The following SNX9 variants were observed in gnomAD, a reference collection of about 807,000 sequenced individuals.
SNX9 encodes the protein sorting nexin-9.
Under a neutral mutation model 89.4 loss-of-function variants are expected in SNX9, and 44 were observed. The ratio of observed to expected loss-of-function variants is 0.49; its 90% CI spans 0.39 to 0.63. The LOEUF is 0.63. Ranked by LOEUF, SNX9 falls within the 30% of genes least tolerant of loss-of-function variation. The probability of loss-of-function intolerance (pLI) is 0.00; values close to 1 mark genes in which losing one functional copy is unlikely to be tolerated. For missense variants in SNX9, 578 were observed against 736.1 expected (o/e 0.79, Z 2.49); for synonymous variants, 236 against 247.8 (o/e 0.95, Z 0.45).
chr6:157,909,840 C>A lies in SNX9; in HGVS notation c.831+50C>A, dbSNP rs749497560. On this transcript the variant is annotated intron_variant, in intron 8 of 17. Transcript: ENST00000392185. ...AGAATCATGTTTGGATCACTGATTG[C>A]AGCTTGCTTTTTTCTTCATTTTCTA... 3.7e-6 allele frequency: 6 copies of A among 1,611,524 alleles called. No homozygotes were observed. In the East Asian group the frequency reaches 1.3e-4, roughly 36 times the overall value.
chr6:157,927,495 A>G (rs906463256), intron 11 of SNX9, among the ~76,000 whole-genome samples: 4 of 152,200 alleles, frequency 2.6e-5, no homozygotes, highest in African/African-American at 9.6e-5. Flanking sequence ...GATGAAACCA[A>G]GCGGCATGGA....
intron 1 of SNX9, among the ~76,000 whole-genome samples, chr6:157,851,594 G>GT (rs1219584633): frequency 6.6e-6 from 1 of 152,010 alleles, no homozygotes; most frequent in Admixed American, 6.6e-5. Context: ...TATATTCGTT[G>GT]TTTTTTTCTT....
chr6:157,839,869 G>A (rs1356201721), intron 1 of SNX9, among the ~76,000 whole-genome samples: 2 of 152,232 alleles, frequency 1.3e-5, no homozygotes, highest in African/African-American at 4.8e-5. Flanking sequence ...CTTGCTGGTT[G>A]TGCGCAGTAT....
chr6:157,903,372 G>T (rs117743436), intron 6 of SNX9, among the ~76,000 whole-genome samples: 1,543 of 152,274 alleles, frequency 0.01, 6 homozygotes, highest in Non-Finnish European at 0.011. Context: ...GTGATTAAAT[G>T]AGTTCTCTTT....
At chr6:157,916,678 C>T (rs955942219) in intron 9 of SNX9, among the ~76,000 whole-genome samples, 3 of 152,150 alleles carry the variant, frequency 2.0e-5, no homozygotes, top group South Asian at 2.1e-4. Context: ...GTGTACTCAT[C>T]GAGTGATTGT....
intron 16 of SNX9, among the ~76,000 whole-genome samples, chr6:157,939,757 G>C (rs989828965): frequency 1.3e-5 from 2 of 152,200 alleles, no homozygotes; most frequent in African/African-American, 4.8e-5. Flanking sequence ...TTGAACTTGT[G>C]TTTGAGGTTA....
intron 1 of SNX9, among the ~76,000 whole-genome samples, chr6:157,859,206 G>A (rs992979096): frequency 6.6e-6 from 1 of 152,120 alleles, no homozygotes; most frequent in African/African-American, 2.4e-5. Context: ...AATGAGAAAC[G>A]TCACTTCCAC....
At chr6:157,928,024 G>A (rs1783731965) in intron 11 of SNX9, among the ~76,000 whole-genome samples, 1 of 152,030 alleles carries the variant, frequency 6.6e-6, no homozygotes, top group Non-Finnish European at 1.5e-5. Context: ...ATCCTCCTCT[G>A]TACGTATGTA....
chr6:157,915,820 G>T (rs1234901404), intron 9 of SNX9, among the ~76,000 whole-genome samples: 1 of 84,344 alleles, frequency 1.2e-5, no homozygotes, highest in South Asian at 3.6e-4. Flanking sequence ...GTTAGACTCT[G>T]TCAAAAAAAA....
At chr6:157,833,392 A>G (rs1283686930) in intron 1 of SNX9, among the ~76,000 whole-genome samples, 1 of 152,204 alleles carries the variant, frequency 6.6e-6, no homozygotes, top group Admixed American at 6.5e-5. Flanking sequence ...ACTAGGTTGG[A>G]AAAATTTTTT....
chr6:157,863,381 T>C (rs1782187675), intron 1 of SNX9, among the ~76,000 whole-genome samples: 1 of 152,238 alleles, frequency 6.6e-6, no homozygotes, highest in African/African-American at 2.4e-5. Flanking sequence ...AATGTTTATT[T>C]TACTGATAAG....
intron 6 of SNX9, among the ~76,000 whole-genome samples, chr6:157,905,897 A>G (rs1404094305): frequency 1.3e-5 from 2 of 152,186 alleles, no homozygotes; most frequent in Non-Finnish European, 2.9e-5. Flanking sequence ...GTGCCCGTAA[A>G]CATCACACCT....
intron 1 of SNX9, among the ~76,000 whole-genome samples, chr6:157,867,201 C>A (rs1340463360): frequency 3.9e-5 from 6 of 152,170 alleles, no homozygotes; most frequent in Non-Finnish European, 8.8e-5. Context: ...AATCCTCCTG[C>A]TATTTAGTCT....
chr6:157,837,116 G>T (rs145385573), intron 1 of SNX9, among the ~76,000 whole-genome samples: 48 of 152,282 alleles, frequency 3.2e-4, no homozygotes, highest in African/African-American at 1.1e-3. Context: ...TATCTAACTG[G>T]GTTCATATGA....
intron 7 of SNX9, among the ~76,000 whole-genome samples, chr6:157,908,556 A>G (rs1783266459): frequency 2.0e-5 from 3 of 152,210 alleles, no homozygotes; most frequent in Non-Finnish European, 2.9e-5. Context: ...GGCAGAACCA[A>G]CTTGAGACTA....
intron 1 of SNX9, among the ~76,000 whole-genome samples, chr6:157,847,208 T>G (rs1450357173): frequency 1.3e-5 from 2 of 152,110 alleles, no homozygotes; most frequent in African/African-American, 4.8e-5. Flanking sequence ...GCTCAGGTGA[T>G]CCTCCTACCT....
At position 157,823,686 on chromosome 6, in the gene SNX9, G is replaced by A. The variant is rs1781283869; in HGVS notation, c.12+240G>A. On this transcript the variant is annotated intron_variant, in intron 1 of 17. Transcript: ENST00000392185. This position sits in a 1 kb window ranked among gnomAD's most constrained non-coding sequence, Gnocchi z 4.6. ...GGGGACGGCGTCGGGTCTGGGCGCG[G>A]GTTGGGACCCCGGGCGCAGCGAGGT... Among the ~76,000 whole-genome samples the A allele has an allele frequency of 6.6e-6, 1 of 151,962 alleles. No homozygotes were observed. Among genetic ancestry groups the A allele is most frequent in the Non-Finnish European group, 1.5e-5 (1 of 67,942 alleles).
At chr6:157,883,774 A>G (rs762057601) in intron 4 of SNX9, among the ~76,000 whole-genome samples, 1 of 152,178 alleles carries the variant, frequency 6.6e-6, no homozygotes, top group Non-Finnish European at 1.5e-5. Context: ...GTTCAGCTCA[A>G]ATACCATGTC....
Position 157,944,909 on chromosome 6 carries a change from A to T in SNX9, c.*2071A>T, listed in dbSNP as rs570797146. ...ATCCACGGGATTTGATGCCTGGAAG[A>T]TTCTCCTTCAAGTGGCAACATGGCA... On this transcript the variant is annotated 3_prime_UTR_variant, in exon 18 of 18. Coordinates refer to ENST00000392185, the MANE Select transcript of SNX9 (RefSeq NM_016224.5). 2.6e-5 allele frequency: 4 copies of T among 152,184 alleles called. No individual in the cohort carries two copies. The highest frequency in any genetic ancestry group is 5.9e-5 in the Non-Finnish European group (4 of 68,020). 9.4% of individuals were successfully genotyped at this position (152,184 alleles called of 1,614,324 possible). A position where few individuals can be genotyped will look rare whatever the true frequency, so the allele number is the denominator to read the frequency against.
Sources: gnomAD v4.1 joint callset for allele counts (sites outside exome capture counted in the v4.1 genomes callset) on GRCh38, gnomAD v4.1.1 for gene constraint, Gnocchi (gnomAD v3.1) non-coding constraint, MANE v1.5 for transcripts, NCBI Gene and HGNC (gene_info 2026-07-23, HGNC 2026-07-21) for gene names.